PPM1E: variants seen among roughly 807,000 people sequenced by gnomAD.
PPM1E encodes protein phosphatase, Mg2+/Mn2+ dependent 1E.
In PPM1E, 20 loss-of-function variants were observed where a neutral mutation model predicts 65.9. The observed-to-expected ratio is 0.30, with a 90% CI of 0.21 to 0.44. The LOEUF (loss-of-function observed/expected upper bound fraction) is 0.44, where lower values mean the gene tolerates loss of function less well. Ranked by LOEUF, PPM1E falls within the 20% of genes least tolerant of loss-of-function variation. PPM1E has a pLI of 1.00. For missense variants in PPM1E, 713 were observed against 953.1 expected (o/e 0.75, Z 3.32); for synonymous variants, 352 against 374.9 (o/e 0.94, Z 0.70).
chr17:58,843,181 A>G (rs1354655699), intron 1 of PPM1E, among the ~76,000 whole-genome samples: 1 of 151,572 alleles, frequency 6.6e-6, no homozygotes, highest in Non-Finnish European at 1.5e-5. Flanking sequence ...AGGCTGGAGA[A>G]TGGAGTGAAC....
At chr17:58,912,397 C>A (rs2051637848) in intron 1 of PPM1E, among the ~76,000 whole-genome samples, 1 of 152,124 alleles carries the variant, frequency 6.6e-6, no homozygotes, top group Non-Finnish European at 1.5e-5. Flanking sequence ...AGGATATGAA[C>A]CATACGACTG....
At chr17:58,896,506 A>G (rs2051419089) in intron 1 of PPM1E, among the ~76,000 whole-genome samples, 2 of 152,112 alleles carry the variant, frequency 1.3e-5, no homozygotes, top group African/African-American at 4.8e-5. Context: ...AATTGCTTGG[A>G]CTTGGGAGGT....
intron 1 of PPM1E, among the ~76,000 whole-genome samples, chr17:58,893,901 T>G (rs1332479855): frequency 6.6e-6 from 1 of 151,962 alleles, no homozygotes; most frequent in African/African-American, 2.4e-5. Context: ...TGAAATCCTG[T>G]TTCTGCAAAA....
At chr17:58,889,783 A>G (rs1477988914) in intron 1 of PPM1E, among the ~76,000 whole-genome samples, 1 of 152,218 alleles carries the variant, frequency 6.6e-6, no homozygotes, top group Non-Finnish European at 1.5e-5. Context: ...GTGAGATATT[A>G]CTGCCCTTGC....
rs142372342 is a variant in PPM1E at position 58,794,758 on chromosome 17, G to A, written c.464+38297G>A. 4.8e-3 allele frequency among the ~76,000 whole-genome samples: 737 copies of A among 152,098 alleles called. 2 individuals carry two copies. Among genetic ancestry groups the A allele is most frequent in the African/African-American group, 0.017 (716 of 41,484 alleles). ...GGACATGATCTCATTCTTTTTTATGGCTGCATAGTATTCCATAGTGTATAT... is the reference window on the plus strand; with the variant it reads ...GGACATGATCTCATTCTTTTTTATGACTGCATAGTATTCCATAGTGTATAT... On this transcript the variant is annotated intron_variant, in intron 1 of 6. Coordinates refer to ENST00000308249, the MANE Select transcript of PPM1E (RefSeq NM_014906.5).
intron 1 of PPM1E, among the ~76,000 whole-genome samples, chr17:58,902,421 G>A (rs1213762488): frequency 6.6e-6 from 1 of 152,014 alleles, no homozygotes; most frequent in Non-Finnish European, 1.5e-5. Flanking sequence ...TGTATGGGTG[G>A]ATTTAGGATG....
At chr17:58,953,059 T>G (rs903570766) in intron 1 of PPM1E, among the ~76,000 whole-genome samples, 1 of 152,174 alleles carries the variant, frequency 6.6e-6, no homozygotes, top group Non-Finnish European at 1.5e-5. Context: ...ATTTATCTAC[T>G]CCCTTTCCCG....
intron 1 of PPM1E, among the ~76,000 whole-genome samples, chr17:58,769,157 CTG>C (rs2049911337): frequency 6.6e-6 from 1 of 152,028 alleles, no homozygotes; most frequent in Non-Finnish European, 1.5e-5. Context: ...ATCTTGCAAT[CTG>C]TTTAAATTTT....
intron 1 of PPM1E, among the ~76,000 whole-genome samples, chr17:58,811,992 T>A (rs572371596): frequency 1.0e-3 from 156 of 152,238 alleles, no homozygotes; most frequent in Non-Finnish European, 1.7e-3. Context: ...TTTCTAATGG[T>A]AATTTTGTGT....
chr17:58,935,198 CTGAGA>C (rs1010518991), intron 1 of PPM1E, among the ~76,000 whole-genome samples: 16 of 150,296 alleles, frequency 1.1e-4, no homozygotes, highest in Admixed American at 1.1e-3. Context: ...TTGCAGTGAG[CTGAGA>C]TAATGCCACG....
intron 1 of PPM1E, among the ~76,000 whole-genome samples, chr17:58,841,004 A>G (rs2050712169): frequency 6.6e-6 from 1 of 152,198 alleles, no homozygotes; most frequent in South Asian, 2.1e-4. Context: ...ATGTAGAACA[A>G]GGTATTCGGG....
At chr17:58,805,469 C>CA (rs1203214593) in intron 1 of PPM1E, among the ~76,000 whole-genome samples, 1 of 152,098 alleles carries the variant, frequency 6.6e-6, no homozygotes, top group East Asian at 1.9e-4. Flanking sequence ...AGGCTGGTCT[C>CA]AAACTCCTGA....
At chr17:58,833,784 T>C (rs1050816695) in intron 1 of PPM1E, among the ~76,000 whole-genome samples, 1 of 152,236 alleles carries the variant, frequency 6.6e-6, no homozygotes, top group African/African-American at 2.4e-5. Context: ...ATGGTAGTTC[T>C]GTTTTAAGTT....
chr17:58,840,600 G>GC (rs2050708693), intron 1 of PPM1E, among the ~76,000 whole-genome samples: 1 of 152,002 alleles, frequency 6.6e-6, no homozygotes, highest in African/African-American at 2.4e-5. Flanking sequence ...CCAGCCTGGG[G>GC]CATCTTGTAG....
intron 1 of PPM1E, among the ~76,000 whole-genome samples, chr17:58,814,510 A>G (rs559978174): frequency 1.3e-5 from 2 of 152,338 alleles, no homozygotes; most frequent in East Asian, 3.9e-4. Flanking sequence ...CTTAAAAGCT[A>G]TGTGACCTTG....
intron 1 of PPM1E, among the ~76,000 whole-genome samples, chr17:58,812,891 T>A (rs1193574023): frequency 2.2e-4 from 33 of 152,130 alleles, no homozygotes; most frequent in Admixed American, 2.2e-3. Flanking sequence ...TTGGTAGATT[T>A]CCTCAAGTCT....
intron 1 of PPM1E, among the ~76,000 whole-genome samples, chr17:58,907,011 T>A (rs2051566449): frequency 6.6e-6 from 1 of 152,158 alleles, no homozygotes; most frequent in Admixed American, 6.5e-5. Flanking sequence ...CTGAGGCAAG[T>A]GGATCACGAG....
chr17:58,818,402 G>A (rs1739693037), intron 1 of PPM1E, among the ~76,000 whole-genome samples: 1 of 152,168 alleles, frequency 6.6e-6, no homozygotes, highest in Admixed American at 6.5e-5. Context: ...AGGACTACAT[G>A]TTGGCACTGA....
Position 58,756,133 on chromosome 17 carries a change from G to A in PPM1E, c.136G>A (p.Glu46Lys), listed in dbSNP as rs1260810031. ...CGAACCCGAACCCGAACCCGAGTCCGAGCCCGAGCCCGAACCTGAACTGGT... is the reference window on the plus strand; with the variant it reads ...CGAACCCGAACCCGAACCCGAGTCCAAGCCCGAGCCCGAACCTGAACTGGT... ...EPEPEPEPES[E>K]PEPEPELVEA... The change falls in exon 1 of 7, where the codon GAG (glutamate) becomes AAG (lysine). Residue 46 changes from glutamate (E) to lysine (K), a missense_variant. Physicochemically the swap from Glu to Lys is moderately conservative, Grantham distance 56 (BLOSUM62 1). Transcript: ENST00000308249. The A allele has an allele frequency of 6.9e-6, 11 of 1,604,514 alleles. No individual in the cohort carries two copies. The highest frequency in any genetic ancestry group is 1.3e-5 in the African/African-American group (1 of 74,932).
Sources: allele counts gnomAD v4.1 joint callset (sites outside exome capture counted in the v4.1 genomes callset), GRCh38; gene constraint gnomAD v4.1.1; transcripts MANE v1.5; gene names NCBI Gene and HGNC (gene_info 2026-07-23, HGNC 2026-07-21).